The following CLEC17A variants were observed in gnomAD, a reference collection of about 807,000 sequenced individuals.
The protein encoded by CLEC17A is C-type lectin domain containing 17A, also known as C-type lectin domain family 17, member A.
A neutral mutation model predicts 61.3 loss-of-function variants in CLEC17A; 37 were observed. That is an observed-to-expected ratio of 0.60 (90% CI 0.46 to 0.79). The LOEUF (loss-of-function observed/expected upper bound fraction) is 0.79, where lower values mean the gene tolerates loss of function less well. Ranked by LOEUF, CLEC17A falls within the 30% of genes least tolerant of loss-of-function variation. CLEC17A has a pLI of 0.00. For missense variants in CLEC17A, 418 were observed against 464.7 expected, an observed-to-expected ratio of 0.90 and a Z score of 0.92; for synonymous variants, 168 against 164.9, an observed-to-expected ratio of 1.02 and a Z score of -0.14.
intron 12 of CLEC17A, among the ~76,000 whole-genome samples, chr19:14,603,949 T>G (rs996970072): frequency 6.6e-5 from 10 of 152,214 alleles, no homozygotes; most frequent in Admixed American, 3.9e-4. Flanking sequence ...AAGAGTCTTC[T>G]GGTTTTCTGG....
At chr19:14,607,278 C>T (rs2074906320) in intron 13 of CLEC17A, among the ~76,000 whole-genome samples, 176 bp downstream of exon 13, 1 of 151,548 alleles carries the variant, frequency 6.6e-6, no homozygotes, top group Admixed American at 6.6e-5. Context: ...AATCTCAGCT[C>T]ACTGCAAGCT....
At chr19:14,591,120 G>T (rs1306973960) in intron 3 of CLEC17A, among the ~76,000 whole-genome samples, 1 of 151,686 alleles carries the variant, frequency 6.6e-6, no homozygotes, top group Non-Finnish European at 1.5e-5. Context: ...GAGGGGAGGG[G>T]TGTGGCTGTT....
chr19:14,582,967 G>C (rs1051218981), upstream of CLEC17A: 2 of 200,988 alleles, frequency 1.0e-5, no homozygotes, highest in Non-Finnish European at 2.1e-5. Context: ...CTGTGTGTAT[G>C]TGTGTGTGTG....
intron 4 of CLEC17A, among the ~76,000 whole-genome samples, chr19:14,593,732 G>A (rs568396914): frequency 1.4e-4 from 22 of 151,856 alleles, no homozygotes; most frequent in Admixed American, 8.5e-4. Context: ...AGGCTGAGGC[G>A]GGTGGATCAC....
intron 4 of CLEC17A, among the ~76,000 whole-genome samples, chr19:14,593,841 A>G (rs912789622): frequency 1.3e-5 from 2 of 152,120 alleles, no homozygotes; most frequent in Non-Finnish European, 2.9e-5. Flanking sequence ...GGGCACCTGT[A>G]GTCCCAGCTA....
chr19:14,604,585 A>C (rs999781808), intron 12 of CLEC17A, among the ~76,000 whole-genome samples: 1 of 152,094 alleles, frequency 6.6e-6, no homozygotes, highest in Non-Finnish European at 1.5e-5. Flanking sequence ...CAACATGGTG[A>C]AACCCTGTTT....
chr19:14,609,914 G>A, intron 13 of CLEC17A, 150 bp from the exon 14 acceptor site: 1 of 608,932 alleles, frequency 1.6e-6, no homozygotes, highest in South Asian at 2.1e-5. Context: ...GGCTCACTGT[G>A]CCCGGCTTAC....
At chr19:14,601,737 C>A (rs1039330217) in intron 12 of CLEC17A, among the ~76,000 whole-genome samples, 4 of 152,092 alleles carry the variant, frequency 2.6e-5, no homozygotes, top group Non-Finnish European at 5.9e-5. Flanking sequence ...TTTCGCCTCA[C>A]CCTCCTGAGT....
intron 12 of CLEC17A, among the ~76,000 whole-genome samples, chr19:14,603,064 G>T (rs1568460318): frequency 6.6e-6 from 1 of 152,126 alleles, no homozygotes; most frequent in African/African-American, 2.4e-5. Context: ...AGTTAAATTA[G>T]GTAATGTAAA....
chr19:14,592,548 G>T (rs987177036), intron 4 of CLEC17A, among the ~76,000 whole-genome samples, 190 bp downstream of exon 4: 1 of 152,122 alleles, frequency 6.6e-6, no homozygotes, highest in Non-Finnish European at 1.5e-5. Context: ...ACACAGCCTT[G>T]GTGAGCAGGG....
intron 12 of CLEC17A, among the ~76,000 whole-genome samples, chr19:14,600,955 T>G (rs1245314856): frequency 2.4e-5 from 3 of 126,992 alleles, no homozygotes; most frequent in Non-Finnish European, 4.7e-5. Flanking sequence ...CAGGCTGGAG[T>G]GCAGTGGTGC....
upstream of CLEC17A, among the ~76,000 whole-genome samples, chr19:14,582,373 C>T (rs1355782273): frequency 2.0e-5 from 3 of 151,708 alleles, no homozygotes; most frequent in Non-Finnish European, 2.9e-5. Context: ...CCACCACACC[C>T]AGCTAATTTT....
Position 14,597,148 on chromosome 19 carries a change from G to A in CLEC17A, c.633G>A (p.Thr211=), listed in dbSNP as rs759767818. ...ELRMLSFQQM[T]WRTNMTGMAG... ...GAATGTTAAGCTTTCAGCAGATGACGTGGCGAACAAATAGTGAGTGCTTTC... is the reference window on the plus strand; with the variant it reads ...GAATGTTAAGCTTTCAGCAGATGACATGGCGAACAAATAGTGAGTGCTTTC... Residue 211 remains threonine, a synonymous_variant, in exon 10 of 14, where the codon ACG becomes ACA. Transcript: ENST00000417570. 1 of 1,611,328 alleles carries A rather than the reference G, an allele frequency of 6.2e-7. No individual in the cohort carries two copies. Among genetic ancestry groups the A allele is most frequent in the Non-Finnish European group, 8.5e-7 (1 of 1,178,748 alleles).
chr19:14,591,223 C>T (rs984956113), intron 3 of CLEC17A, among the ~76,000 whole-genome samples: 7 of 151,204 alleles, frequency 4.6e-5, no homozygotes, highest in Non-Finnish European at 8.8e-5. Context: ...GGCGCGATCT[C>T]GGCTCACTGC....
Position 14,587,596 on chromosome 19 carries a change from T to C in CLEC17A, c.122-18T>C. 1 of 1,575,218 alleles carries C rather than the reference T, an allele frequency of 6.3e-7. No individual in the cohort carries two copies. Among genetic ancestry groups the C allele is most frequent in the Non-Finnish European group, 8.6e-7 (1 of 1,160,088 alleles). ...GAGGAGGGAATGGCTGGGCTCTGAC[T>C]TGCCTTTCCCCTGGAAGGGACCATG... On this transcript the variant is annotated intron_variant, in intron 2 of 13. Transcript: ENST00000417570.
At chr19:14,587,989 C>T (rs1278940409) in intron 3 of CLEC17A, among the ~76,000 whole-genome samples, 1 of 152,060 alleles carries the variant, frequency 6.6e-6, no homozygotes. Flanking sequence ...GATGAGTAGA[C>T]ATTTCTTAAG....
At position 14,583,385 on chromosome 19, in the gene CLEC17A, T is replaced by C. The variant is rs752742302; in HGVS notation, c.72T>C (p.Asp24=). 1.9e-6 allele frequency: 3 copies of C among 1,612,280 alleles called. No individual in the cohort carries two copies. The highest frequency in any genetic ancestry group is 1.7e-4 in the Middle Eastern group (1 of 6,060). ...CCATGGAGGAGGAGGAGGAGGATGATGACTATGAGAACTCAACACCTCCCT... is the reference window on the plus strand; with the variant it reads ...CCATGGAGGAGGAGGAGGAGGATGACGACTATGAGAACTCAACACCTCCCT... ...PGTMEEEEED[D]DYENSTPPYK... Residue 24 remains aspartate, a synonymous_variant, in exon 2 of 14, where the codon GAT becomes GAC. Coordinates refer to ENST00000417570, the MANE Select transcript of CLEC17A (RefSeq NM_001204118.2).
At chr19:14,585,444 C>G (rs935974488) in intron 2 of CLEC17A, among the ~76,000 whole-genome samples, 1 of 152,186 alleles carries the variant, frequency 6.6e-6, no homozygotes, top group African/African-American at 2.4e-5. Flanking sequence ...TCCCTGTGAC[C>G]CTTACGTTCT....
chr19:14,595,515 T>C (rs1429693788), intron 8 of CLEC17A, among the ~76,000 whole-genome samples, 200 bp downstream of exon 8: 1 of 152,218 alleles, frequency 6.6e-6, no homozygotes, highest in African/African-American at 2.4e-5. Context: ...TTTGCAAACG[T>C]GTATTCTTTT....
Sources: allele counts gnomAD v4.1 joint callset (sites outside exome capture counted in the v4.1 genomes callset), GRCh38; gene constraint gnomAD v4.1.1; transcripts MANE v1.5; gene names NCBI Gene and HGNC (gene_info 2026-07-23, HGNC 2026-07-21).